UBIAD1: variants seen among roughly 807,000 people sequenced by gnomAD.
UBIAD1 encodes the protein UbiA prenyltransferase domain containing 1.
A neutral mutation model predicts 20.1 loss-of-function variants in UBIAD1; 12 were observed. That is an observed-to-expected ratio of 0.60 (90% CI 0.38 to 0.97). UBIAD1 has a LOEUF of 0.97. Among genes scored for constraint, UBIAD1 ranks in the 50% least tolerant of loss-of-function variants. The pLI, the probability that UBIAD1 is intolerant of heterozygous loss-of-function variation, is 0.00. For synonymous variants in UBIAD1, 207 were observed against 189.2 expected (o/e 1.09, Z -0.77); for missense variants, 333 against 419.5 (o/e 0.79, Z 1.80).
Position 11,285,976 on chromosome 1 carries a change from C to T in UBIAD1, c.862C>T (p.Leu288Phe), listed in dbSNP as rs1456236671. The change falls in exon 2 of 2, where the codon CTT (leucine) becomes TTT (phenylalanine). Residue 288 changes from leucine to phenylalanine, a missense_variant. Physicochemically the swap from Leu to Phe is conservative, Grantham distance 22. Coordinates refer to ENST00000376810, the MANE Select transcript of UBIAD1 (RefSeq NM_013319.3). The surrounding 1 kb of genome is among the most constrained non-coding windows in gnomAD (Gnocchi z 4.4). ...HCTISLALPL[L>F]TIPMAFSLER... ...CACCATCAGCCTGGCACTCCCCCTGCTTACCATTCCCATGGCCTTCTCCCT... is the reference window on the plus strand; with the variant it reads ...CACCATCAGCCTGGCACTCCCCCTGTTTACCATTCCCATGGCCTTCTCCCT... 6.2e-7 allele frequency: 1 copy of T among 1,614,234 alleles called. No homozygotes were observed. The highest frequency in any genetic ancestry group is 8.5e-7 in the Non-Finnish European group (1 of 1,180,042).
chr1:11,293,598 T>G (rs1314753882), intron 1 of UBIAD1: 1 of 152,210 alleles, frequency 6.6e-6, no homozygotes, highest in Non-Finnish European at 1.5e-5. Context: ...TTTGGACCAC[T>G]GCATCACATC....
chr1:11,290,765 G>A (rs570737018), downstream of UBIAD1, among the ~76,000 whole-genome samples: 237 of 152,276 alleles, frequency 1.6e-3, 2 homozygotes, highest in African/African-American at 5.3e-3. Flanking sequence ...GATCACTTGA[G>A]GTCAGGAATT....
chr1:11,288,595 G>C (rs1192756475), downstream of UBIAD1, among the ~76,000 whole-genome samples: 1 of 152,258 alleles, frequency 6.6e-6, no homozygotes, highest in Middle Eastern at 3.4e-3. Context: ...GGTTTGACCA[G>C]ATTCGACAGG....
chr1:11,297,453 T>C (rs1250460620), downstream of UBIAD1, among the ~76,000 whole-genome samples: 1 of 152,092 alleles, frequency 6.6e-6, no homozygotes, highest in Non-Finnish European at 1.5e-5. Context: ...TCTAGTTTAA[T>C]GGTATTTTGC....
Position 11,285,089 on chromosome 1 carries a change from T to G in UBIAD1, c.530-555T>G, listed in dbSNP as rs1214680904. Among the ~76,000 whole-genome samples the G allele has an allele frequency of 6.6e-6, 1 of 152,188 alleles. No individual in the cohort carries two copies. Among genetic ancestry groups the G allele is most frequent in the Non-Finnish European group, 1.5e-5 (1 of 68,032 alleles). ...AAGCAGCATTATAACTCTCCTGTCC[T>G]CGCTGTTTTGCTTATCGCAGGGGTG... On this transcript the variant is annotated intron_variant, in intron 1 of 1. Transcript: ENST00000376810. The surrounding 1 kb of genome is among the most constrained non-coding windows in gnomAD (Gnocchi z 4.4).
intron 1 of UBIAD1, among the ~76,000 whole-genome samples, chr1:11,275,920 G>A (rs887347036): frequency 3.3e-5 from 5 of 152,138 alleles, no homozygotes; most frequent in Non-Finnish European, 7.3e-5. Context: ...TGTGAATGAA[G>A]GAGAGAGTAA....
At chr1:11,288,844 C>T (rs1638315359), downstream of UBIAD1, among the ~76,000 whole-genome samples, 1 of 151,750 alleles carries the variant, frequency 6.6e-6, no homozygotes, top group Non-Finnish European at 1.5e-5. Flanking sequence ...CCTAGCAGGT[C>T]GAGGCTGCAG....
rs1638262263 is a variant in UBIAD1 at position 11,286,385 on chromosome 1, A to C, written c.*254A>C. 1.9e-6 allele frequency: 1 copy of C among 524,562 alleles called. No individual in the cohort carries two copies. Among genetic ancestry groups the C allele is most frequent in the Non-Finnish European group, 3.4e-6 (1 of 296,380 alleles). 32.5% of individuals were successfully genotyped at this position (524,562 alleles called of 1,614,324 possible). On this transcript the variant is annotated 3_prime_UTR_variant, in exon 2 of 2. Coordinates refer to ENST00000376810, the MANE Select transcript of UBIAD1 (RefSeq NM_013319.3). ...TTAGGCGCATGGTCTTTGTTTTATT[A>C]ATAATTTCCACTAGAGGGTGTTCTC...
chr1:11,280,065 A>G (rs895942606), intron 1 of UBIAD1, among the ~76,000 whole-genome samples: 1 of 152,204 alleles, frequency 6.6e-6, no homozygotes, highest in East Asian at 1.9e-4. Context: ...TGTAATAGAA[A>G]GTACAAGGTG....
At chr1:11,276,847 TC>T (rs900433201) in intron 1 of UBIAD1, among the ~76,000 whole-genome samples, 2 of 151,752 alleles carry the variant, frequency 1.3e-5, no homozygotes, top group Non-Finnish European at 1.5e-5. Flanking sequence ...ATTCATCAAC[TC>T]CCCCCCAACA....
downstream of UBIAD1, among the ~76,000 whole-genome samples, chr1:11,291,029 G>A (rs1345576918): frequency 6.6e-6 from 1 of 152,154 alleles, no homozygotes; most frequent in Non-Finnish European, 1.5e-5. Flanking sequence ...CTTAGTCTGA[G>A]TCAGTAATGA....
rs1263887722 is a variant in UBIAD1, at chr1:11,285,497, T to C, written c.530-147T>C. 2.1e-5 allele frequency: 26 copies of C among 1,225,794 alleles called. No individual in the cohort carries two copies. Among genetic ancestry groups the C allele is most frequent in the Non-Finnish European group, 2.8e-5 (24 of 862,226 alleles). 75.9% of individuals were successfully genotyped at this position (1,225,794 alleles called of 1,614,324 possible). On this transcript the variant is annotated intron_variant, in intron 1 of 1. Transcript: ENST00000376810. The surrounding 1 kb of genome is among the most constrained non-coding windows in gnomAD (Gnocchi z 4.4). The stretch of plus-strand genomic sequence containing the variant: ...GGAGAAGAAATCAGAATTTGCTCTG[T>C]GGGGTTAAGGGATGAAATGAGTGCC...
chr1:11,278,552 C>G (rs536447574), intron 1 of UBIAD1: 285 of 1,017,450 alleles, frequency 2.8e-4, no homozygotes, highest in Non-Finnish European at 3.6e-4. Context: ...GATATTTAAT[C>G]AAGACATTAA....
intron 1 of UBIAD1, among the ~76,000 whole-genome samples, chr1:11,283,161 C>T (rs953186738): frequency 5.9e-5 from 9 of 152,178 alleles, no homozygotes; most frequent in South Asian, 2.1e-4. Context: ...CATACCTGGC[C>T]GCTTACATTG....
In UBIAD1 at chr1:11,285,173, A is replaced by T. The variant is rs568342075; in HGVS notation, c.530-471A>T. On this transcript the variant is annotated intron_variant, in intron 1 of 1. Coordinates refer to ENST00000376810, the MANE Select transcript of UBIAD1 (RefSeq NM_013319.3). The surrounding 1 kb of genome is among the most constrained non-coding windows in gnomAD (Gnocchi z 4.4). ...CACTGGCCGTTTTTAAAACCAGAAGATGCCTTGAGATTGTAGGGGAAGGAG... is the reference window on the plus strand; with the variant it reads ...CACTGGCCGTTTTTAAAACCAGAAGTTGCCTTGAGATTGTAGGGGAAGGAG... 7.9e-5 allele frequency among the ~76,000 whole-genome samples: 12 copies of T among 152,292 alleles called. No homozygotes were observed. Among genetic ancestry groups the T allele is most frequent in the Admixed American group, 2.6e-4 (4 of 15,292 alleles).
In UBIAD1 at chr1:11,285,518, G is replaced by A. The variant is rs959807411; in HGVS notation, c.530-126G>A. 9 of 1,421,418 alleles carry A rather than the reference G, an allele frequency of 6.3e-6. No individual in the cohort carries two copies. The highest frequency in any genetic ancestry group is 8.7e-6 in the Non-Finnish European group (9 of 1,029,728). The allele number at this position is 1,421,418 out of a possible 1,614,324, so 88.1% of individuals were successfully genotyped here. The stretch of plus-strand genomic sequence containing the variant: ...TCTGTGGGGTTAAGGGATGAAATGA[G>A]TGCCCACCTGCACAGTCTAAGGATT... On this transcript the variant is annotated intron_variant, in intron 1 of 1. Coordinates refer to ENST00000376810, the MANE Select transcript of UBIAD1 (RefSeq NM_013319.3). This position sits in a 1 kb window ranked among gnomAD's most constrained non-coding sequence, Gnocchi z 4.4.
At chr1:11,290,919 C>A (rs185947326), downstream of UBIAD1, among the ~76,000 whole-genome samples, 1 of 138,214 alleles carries the variant, frequency 7.2e-6, no homozygotes, top group Non-Finnish European at 1.5e-5. Flanking sequence ...GCCGAGATCA[C>A]GCCACTGCAC....
intron 1 of UBIAD1, among the ~76,000 whole-genome samples, chr1:11,294,221 A>T (rs569554741): frequency 6.6e-6 from 1 of 152,310 alleles, no homozygotes; most frequent in South Asian, 2.1e-4. Context: ...GTTCAGGGAG[A>T]TTATTAAACT....
In UBIAD1 at chr1:11,287,704, C is replaced by A. The variant is rs567210235; in HGVS notation, c.*1573C>A. On this transcript the variant is annotated 3_prime_UTR_variant, in exon 2 of 2. Coordinates refer to ENST00000376810, the MANE Select transcript of UBIAD1 (RefSeq NM_013319.3). ...CAGCACTTTGGGAGGCCGAGACGGG[C>A]GGATCACGAGGTCAGGAGATCGAGA... 1 of 152,106 alleles carries A rather than the reference C, an allele frequency of 6.6e-6. No individual in the cohort carries two copies. The highest frequency in any genetic ancestry group is 2.4e-5 in the African/African-American group (1 of 41,430). The allele number at this position is 152,106 out of a possible 1,614,324, so 9.4% of individuals were successfully genotyped here. A position where few individuals can be genotyped will look rare whatever the true frequency, so the allele number is the denominator to read the frequency against.
Sources: gnomAD v4.1 joint callset for allele counts (sites outside exome capture counted in the v4.1 genomes callset) on GRCh38, gnomAD v4.1.1 for gene constraint, Gnocchi (gnomAD v3.1) non-coding constraint, MANE v1.5 for transcripts, NCBI Gene and HGNC (gene_info 2026-07-23, HGNC 2026-07-21) for gene names.